The following NPR1 variants were observed in gnomAD, a reference collection of about 807,000 sequenced individuals.
NPR1 encodes the protein natriuretic peptide receptor 1.
Under a neutral mutation model 116.9 loss-of-function variants are expected in NPR1, and 57 were observed. That is an observed-to-expected ratio of 0.49 (90% CI 0.39 to 0.61). The LOEUF is 0.61. Ranked by LOEUF, NPR1 falls within the 20% of genes least tolerant of loss-of-function variation. The probability of loss-of-function intolerance (pLI) is 0.00; values close to 1 mark genes in which losing one functional copy is unlikely to be tolerated. For missense variants in NPR1, 1,096 were observed against 1,409.8 expected, an observed-to-expected ratio of 0.78 and a Z score of 3.56; for synonymous variants, 555 against 601.6, an observed-to-expected ratio of 0.92 and a Z score of 1.13.
At position 153,689,728 on chromosome 1, in the gene NPR1, C is replaced by A; in HGVS notation, c.2758-78C>A. On this transcript the variant is annotated intron_variant, in intron 18 of 21. Transcript: ENST00000368680. This position sits in a 1 kb window ranked among gnomAD's most constrained non-coding sequence, Gnocchi z 5.1. The stretch of plus-strand genomic sequence containing the variant: ...ACAGATGAGGGTACAGAATGACAGA[C>A]GCTGCACCCGGTGTGACGGTGTGGC... The A allele has an allele frequency of 2.9e-6, 4 of 1,397,522 alleles. No individual in the cohort carries two copies. Among genetic ancestry groups the A allele is most frequent in the Non-Finnish European group, 3.9e-6 (4 of 1,033,612 alleles). The allele number at this position is 1,397,522 out of a possible 1,614,324, so 86.6% of individuals were successfully genotyped here. A position where few individuals can be genotyped will look rare whatever the true frequency, so the allele number is the denominator to read the frequency against.
rs139666221 is a variant in NPR1, at chr1:153,689,461, C to T, written c.2697C>T (p.Thr899=). 17 of 1,613,978 alleles carry T rather than the reference C, an allele frequency of 1.1e-5. No individual in the cohort carries two copies. In the African/African-American group the frequency reaches 2.0e-4, roughly 19 times the overall value. ...CTTCTCTTCCCTTCCAGGTGGTGAC[C>T]CTGCTCAATGACCTGTACACTTGCT... ...SAESTPMQVV[T]LLNDLYTCFD... The change falls in exon 18 of 22, where the codon ACC becomes ACT. Residue 899 remains threonine, a synonymous_variant. Coordinates refer to ENST00000368680, the MANE Select transcript of NPR1 (RefSeq NM_000906.4). The surrounding 1 kb of genome is among the most constrained non-coding windows in gnomAD (Gnocchi z 5.1).
intron 20 of NPR1, 114 bp downstream of exon 20, chr1:153,690,496 C>G: frequency 1.5e-6 from 1 of 680,636 alleles, no homozygotes; most frequent in Non-Finnish European, 2.6e-6. Context: ...TTTCGCCTCC[C>G]AAGTTCCCCT....
Position 153,689,622 on chromosome 1 carries a change from T to A in NPR1, c.2757+101T>A, listed in dbSNP as rs1056877443. ...TGATGTGGAGTCTTAAGAGAGGAGA[T>A]CGGGGACACGGGCAGAGACAGTGAC... is the stretch of plus-strand genomic sequence containing the variant. On this transcript the variant is annotated intron_variant, in intron 18 of 21. Transcript: ENST00000368680. The surrounding 1 kb of genome is among the most constrained non-coding windows in gnomAD (Gnocchi z 5.1). 2.3e-6 allele frequency: 3 copies of A among 1,316,520 alleles called. No individual in the cohort carries two copies. The highest frequency in any genetic ancestry group is 1.4e-5 in the African/African-American group (1 of 69,326). The allele number at this position is 1,316,520 out of a possible 1,614,324, so 81.6% of individuals were successfully genotyped here.
At chr1:153,683,941 C>T (rs1039412950) in intron 7 of NPR1, 117 bp downstream of exon 7, 2 of 817,712 alleles carry the variant, frequency 2.4e-6, no homozygotes, top group Non-Finnish European at 4.1e-6. Flanking sequence ...AGGGGAAAAC[C>T]AAGGGAGATG....
intron 1 of NPR1, 39 bp from the exon 2 acceptor site, chr1:153,680,462 T>C: frequency 1.9e-6 from 3 of 1,599,734 alleles, no homozygotes; most frequent in Non-Finnish European, 2.6e-6. Flanking sequence ...TCTCCCGCAG[T>C]ACCTAGGCTT....
In NPR1 at chr1:153,679,643, G is replaced by A. The variant is rs1331090381; in HGVS notation, c.535G>A (p.Glu179Lys). 6.2e-7 allele frequency: 1 copy of A among 1,600,476 alleles called. No homozygotes were observed. Among genetic ancestry groups the A allele is most frequent in the Non-Finnish European group, 8.5e-7 (1 of 1,175,842 alleles). The part of the protein sequence containing the change: ...VAALHRRLGW[E>K]RQALMLYAYR... ...GGCGCTGCACCGACGGCTGGGCTGG[G>A]AGCGCCAAGCGCTCATGCTCTACGC... Residue 179 changes from glutamate to lysine, a missense_variant, in exon 1 of 22, where the codon GAG becomes AAG. Transcript: ENST00000368680. The surrounding 1 kb of genome is among the most constrained non-coding windows in gnomAD (Gnocchi z 4.2).
chr1:153,690,728 G>A (rs148375452), intron 20 of NPR1, among the ~76,000 whole-genome samples: 4,980 of 151,986 alleles, frequency 0.033, 136 homozygotes, highest in African/African-American at 0.069. Flanking sequence ...GATCACCTGA[G>A]GTCGGGGGTT....
chr1:153,680,860 G>A, intron 2 of NPR1, 160 bp downstream of exon 2: 2 of 674,374 alleles, frequency 3.0e-6, no homozygotes, highest in Non-Finnish European at 4.9e-6. Context: ...AGAGGTTGGT[G>A]ATGCTCACTG....
Position 153,689,057 on chromosome 1 carries a change from A to G in NPR1, c.2522A>G (p.Glu841Gly). Residue 841 changes from glutamate (E) to glycine (G), a missense_variant, in exon 16 of 22, where the codon GAG (glutamate) becomes GGG (glycine). Physicochemically the swap from Glu to Gly is moderately conservative, Grantham distance 98. Coordinates refer to ENST00000368680, the MANE Select transcript of NPR1 (RefSeq NM_000906.4). This position sits in a 1 kb window ranked among gnomAD's most constrained non-coding sequence, Gnocchi z 5.1. ...VEERTQAYLEEKRKAEALLYQ... is the reference protein window; with the variant it reads ...VEERTQAYLEGKRKAEALLYQ... ...GAGCGGACCCAGGCATACCTGGAGG[A>G]GAAGCGCAAGGCTGAGGCCCTGCTC... 1 of 1,614,194 alleles carries G rather than the reference A, an allele frequency of 6.2e-7. No homozygotes were observed.
rs139547764 is a variant in NPR1 at position 153,688,155 on chromosome 1, G to A, written c.2351G>A (p.Trp784Ter). The A allele has an allele frequency of 5.0e-6, 8 of 1,613,828 alleles. No individual in the cohort carries two copies. The highest frequency in any genetic ancestry group is 5.9e-6 in the Non-Finnish European group (7 of 1,179,918). Reference sequence around the variant, plus strand: ...TTGGGGCTGCTCATGCAGCGGTGCTGGGCTGAGGACCCACAGGAGAGGCCA... The same window carrying A: ...TTGGGGCTGCTCATGCAGCGGTGCTAGGCTGAGGACCCACAGGAGAGGCCA... The part of the protein sequence containing the change: ...EELGLLMQRC[W>*]AEDPQERPPF... Residue 784 changes from tryptophan to a stop codon, truncating the protein, a stop_gained, in exon 15 of 22, where the codon TGG becomes TAG. Coordinates refer to ENST00000368680, the MANE Select transcript of NPR1 (RefSeq NM_000906.4). LOFTEE classifies it high-confidence loss of function.
At position 153,680,657 on chromosome 1, in the gene NPR1, A is replaced by G; in HGVS notation, c.878A>G (p.Glu293Gly). Residue 293 changes from glutamate to glycine, a missense_variant, in exon 2 of 22, where the codon GAG becomes GGG. Physicochemically the swap from Glu to Gly is moderately conservative, Grantham distance 98. Coordinates refer to ENST00000368680, the MANE Select transcript of NPR1 (RefSeq NM_000906.4). ...GGCCCTGCTCCCCGCAGGCCCTGGG[A>G]GAGAGGGGATGGGCAGGATGTCAGT... ...GQGPAPRRPWERGDGQDVSAR... is the reference protein window; with the variant it reads ...GQGPAPRRPWGRGDGQDVSAR... 6.2e-7 allele frequency: 1 copy of G among 1,613,984 alleles called. No homozygotes were observed. Among genetic ancestry groups the G allele is most frequent in the East Asian group, 2.2e-5 (1 of 44,888 alleles).
chr1:153,690,139 T>TCACACA (rs1477053103), intron 19 of NPR1, 145 bp from the exon 20 acceptor site: 1 of 443,794 alleles, frequency 2.3e-6, no homozygotes, highest in African/African-American at 2.9e-5. Flanking sequence ...TCTCTCTCTC[T>TCACACA]CTCACACACA....
In NPR1 at chr1:153,689,068, G is replaced by A. The variant is rs768080879; in HGVS notation, c.2533G>A (p.Ala845Thr). ...GGCATACCTGGAGGAGAAGCGCAAG[G>A]CTGAGGCCCTGCTCTACCAGATCCT... ...TQAYLEEKRK[A>T]EALLYQILPH... is the part of the protein sequence containing the mutation. Residue 845 changes from alanine to threonine, a missense_variant, in exon 16 of 22, where the codon GCT becomes ACT. Coordinates refer to ENST00000368680, the MANE Select transcript of NPR1 (RefSeq NM_000906.4). This position sits in a 1 kb window ranked among gnomAD's most constrained non-coding sequence, Gnocchi z 5.1. 7 of 1,614,192 alleles carry A rather than the reference G, an allele frequency of 4.3e-6. No homozygotes were observed. Among genetic ancestry groups the A allele is most frequent in the Admixed American group, 3.3e-5 (2 of 60,024 alleles).
rs376878153 is a variant in NPR1, at chr1:153,693,406, C to T, written c.3178C>T (p.Arg1060Ter). 3.4e-5 allele frequency: 55 copies of T among 1,609,668 alleles called. No homozygotes were observed. Among genetic ancestry groups the T allele is most frequent in the Non-Finnish European group, 4.3e-5 (51 of 1,178,132 alleles). Reference sequence around the variant, plus strand: ...CCTTGGGGAGAGGGGGAGTAGCACCCGAGGCTGACCTGCCTCCTCTCCTAT... The same window carrying T: ...CCTTGGGGAGAGGGGGAGTAGCACCTGAGGCTGACCTGCCTCCTCTCCTAT... ...WLLGERGSST[R>*]G The change falls in exon 22 of 22, where the codon CGA becomes TGA. Residue 1060 changes from arginine (R) to a stop codon, truncating the protein, a stop_gained. Transcript: ENST00000368680. LOFTEE classifies it high-confidence loss of function.
At position 153,689,442 on chromosome 1, in the gene NPR1, T is replaced by C. The variant is rs772310686; in HGVS notation, c.2689-11T>C. 1.2e-6 allele frequency: 2 copies of C among 1,613,920 alleles called. No homozygotes were observed. The highest frequency in any genetic ancestry group is 4.5e-5 in the East Asian group (2 of 44,850). Reference sequence around the variant, plus strand: ...TACTTCCTGTCTCTCTTAGCTTCTCTTCCCTTCCAGGTGGTGACCCTGCTC... The same window carrying C: ...TACTTCCTGTCTCTCTTAGCTTCTCCTCCCTTCCAGGTGGTGACCCTGCTC... On this transcript the variant is annotated splice_polypyrimidine_tract_variant and intron_variant, in intron 17 of 21. Transcript: ENST00000368680. The surrounding 1 kb of genome is among the most constrained non-coding windows in gnomAD (Gnocchi z 5.1).
chr1:153,686,160 G>T lies in NPR1; in HGVS notation c.1718G>T (p.Arg573Leu), dbSNP rs145787747. The T allele has an allele frequency of 3.7e-6, 6 of 1,614,014 alleles. No individual in the cohort carries two copies. The African/African-American group carries it at 4.0e-5, about 11-fold the overall frequency. Residue 573 changes from arginine (R) to leucine (L), a missense_variant, in exon 10 of 22, where the codon CGC becomes CTC. By Grantham distance (102) the Arg-to-Leu change is moderately radical (BLOSUM62 -2). Coordinates refer to ENST00000368680, the MANE Select transcript of NPR1 (RefSeq NM_000906.4). ...GCTGTGAAACGTGTGAACCGTAAACGCATTGAGCTGACACGAAAAGTCCTG... is the reference window on the plus strand; with the variant it reads ...GCTGTGAAACGTGTGAACCGTAAACTCATTGAGCTGACACGAAAAGTCCTG... ...LVAVKRVNRK[R>L]IELTRKVLFE... is the part of the protein sequence containing the mutation.
At chr1:153,684,460 A>C (rs574586295) in intron 7 of NPR1, among the ~76,000 whole-genome samples, 11 of 126,432 alleles carry the variant, frequency 8.7e-5, no homozygotes, top group African/African-American at 2.4e-4. Flanking sequence ...GGCATGATCT[A>C]GGCTCACTGC....
chr1:153,682,821 C>T (rs1231534194), intron 5 of NPR1, among the ~76,000 whole-genome samples: 1 of 152,218 alleles, frequency 6.6e-6, no homozygotes, highest in Admixed American at 6.5e-5. Flanking sequence ...GGAGGGAGCA[C>T]AAGCCTGCCC....
intron 4 of NPR1, 96 bp downstream of exon 4, chr1:153,681,935 T>C (rs1669793274): frequency 6.8e-6 from 10 of 1,461,320 alleles, no homozygotes; most frequent in African/African-American, 1.4e-5. Context: ...CTGCAGCAGT[T>C]ACCTATGCAC....
Sources: allele counts gnomAD v4.1 joint callset (sites outside exome capture counted in the v4.1 genomes callset), GRCh38; gene constraint gnomAD v4.1.1; non-coding constraint Gnocchi (gnomAD v3.1); transcripts MANE v1.5; gene names NCBI Gene and HGNC (gene_info 2026-07-23, HGNC 2026-07-21).